INPP5F: variants seen among roughly 807,000 people sequenced by gnomAD.
INPP5F encodes inositol polyphosphate-5-phosphatase F.
A neutral mutation model predicts 137.2 loss-of-function variants in INPP5F; 97 were observed. That is an observed-to-expected ratio of 0.71 (90% CI 0.60 to 0.84). The LOEUF is 0.84. Among genes scored for constraint, INPP5F ranks in the 40% least tolerant of loss-of-function variants. The probability of loss-of-function intolerance (pLI) is 0.00; values close to 1 mark genes in which losing one functional copy is unlikely to be tolerated. For synonymous variants in INPP5F, 504 were observed against 476.9 expected (o/e 1.06, Z -0.74); for missense variants, 1,271 against 1,371.9 (o/e 0.93, Z 1.16).
chr10:119,785,494 C>T (rs1369407286), intron 3 of INPP5F, among the ~76,000 whole-genome samples: 1 of 142,942 alleles, frequency 7.0e-6, no homozygotes, highest in African/African-American at 2.6e-5. Flanking sequence ...ACTGTGTTAG[C>T]CTGGTTAGAT....
In INPP5F at chr10:119,796,856, G is replaced by T. The variant is rs748475671; in HGVS notation, c.811G>T (p.Asp271Tyr). 8.1e-6 allele frequency: 13 copies of T among 1,613,676 alleles called. No individual in the cohort carries two copies. The highest frequency in any genetic ancestry group is 1.1e-5 in the South Asian group (1 of 91,046). The change falls in exon 7 of 20, where the codon GAT (aspartate) becomes TAT (tyrosine). Residue 271 changes from aspartate (D) to tyrosine (Y), a missense_variant. This residue lies in a region of INPP5F where 593 missense variants were observed against 712.4 expected (regional missense o/e 0.83). Transcript: ENST00000650623. The part of the protein sequence containing the change: ...TPPQESTCVD[D>Y]IHPRFLVALI... ...CCCTCAGGAGTCCACCTGTGTAGAT[G>T]ATATTCACCCACGATTTCTAGTGGC...
chr10:119,811,052 G>GA (rs1851009519), intron 14 of INPP5F, among the ~76,000 whole-genome samples: 1 of 152,006 alleles, frequency 6.6e-6, no homozygotes, highest in African/African-American at 2.4e-5. Context: ...GATATTCAAG[G>GA]AAAAAAGAAG....
rs1474318476 is a variant in INPP5F at position 119,807,760 on chromosome 10, T to A, written c.1441-172T>A. Among the ~76,000 whole-genome samples, 3 of 152,242 alleles carry A rather than the reference T, an allele frequency of 2.0e-5. No homozygotes were observed. The East Asian group carries it at 5.8e-4, about 29-fold the overall frequency. On this transcript the variant is annotated intron_variant, in intron 12 of 19. Coordinates refer to ENST00000650623, the MANE Select transcript of INPP5F (RefSeq NM_014937.4). ...TATATTTATTCAACTTGTAGCAATT[T>A]ATAAAGCCATCTTTCAAGCACTACT...
intron 1 of INPP5F, among the ~76,000 whole-genome samples, chr10:119,738,177 A>G (rs1331898927): frequency 6.6e-6 from 1 of 152,248 alleles, no homozygotes; most frequent in Non-Finnish European, 1.5e-5. Flanking sequence ...TATTGCAAAT[A>G]CTTATGACTT....
chr10:119,726,989 C>T (rs61867872), intron 1 of INPP5F, among the ~76,000 whole-genome samples: 6,320 of 152,298 alleles, frequency 0.041, 229 homozygotes, highest in South Asian at 0.21. Context: ...TGTTGTGCGA[C>T]ACAAAATGTA....
intron 2 of INPP5F, among the ~76,000 whole-genome samples, chr10:119,768,757 C>T (rs1046292799): frequency 6.6e-6 from 1 of 152,182 alleles, no homozygotes; most frequent in Admixed American, 6.5e-5. Flanking sequence ...AGGAAGTAAA[C>T]ACCTGAGACT....
chr10:119,778,831 A>G (rs1849608820), intron 2 of INPP5F, among the ~76,000 whole-genome samples: 1 of 152,022 alleles, frequency 6.6e-6, no homozygotes, highest in South Asian at 2.1e-4. Context: ...TTAATTTTTA[A>G]TAGAGTTGGA....
intron 2 of INPP5F, among the ~76,000 whole-genome samples, chr10:119,760,513 T>C (rs552625179): frequency 1.2e-4 from 19 of 152,238 alleles, no homozygotes; most frequent in Non-Finnish European, 2.1e-4. Context: ...GGGCCACCTA[T>C]ACAGGTGCTT....
chr10:119,825,234 T>C (rs1851712560), intron 19 of INPP5F, among the ~76,000 whole-genome samples: 1 of 152,232 alleles, frequency 6.6e-6, no homozygotes, highest in South Asian at 2.1e-4. Flanking sequence ...TTTTCATGTT[T>C]AGGATGATTT....
In INPP5F at chr10:119,726,132, C is replaced by T. The variant is rs1056342073; in HGVS notation, c.-131C>T. 3.2e-5 allele frequency: 15 copies of T among 468,868 alleles called. No homozygotes were observed. The Admixed American group carries it at 3.3e-4, about 10-fold the overall frequency. 29.0% of individuals were successfully genotyped at this position (468,868 alleles called of 1,614,324 possible). On this transcript the variant is annotated 5_prime_UTR_variant, in exon 1 of 20. Transcript: ENST00000650623. Reference sequence around the variant, plus strand: ...CCGGTCGGGTGCCCCGGGGCGTTCCCTCTGCCGCTGCTTCTCGGCGCGGTT... The same window carrying T: ...CCGGTCGGGTGCCCCGGGGCGTTCCTTCTGCCGCTGCTTCTCGGCGCGGTT...
At chr10:119,749,440 TGAA>T (rs1848631024) in intron 1 of INPP5F, among the ~76,000 whole-genome samples, 1 of 152,264 alleles carries the variant, frequency 6.6e-6, no homozygotes, top group African/African-American at 2.4e-5. Context: ...GAAATGTAGC[TGAA>T]GAAGTTGTCT....
At position 119,764,331 on chromosome 10, in the gene INPP5F, A is replaced by G. The variant is rs946836551; in HGVS notation, c.178+13175A>G. Among the ~76,000 whole-genome samples, 4 of 151,684 alleles carry G rather than the reference A, an allele frequency of 2.6e-5. No homozygotes were observed. The East Asian group carries it at 7.7e-4, about 29-fold the overall frequency. Reference sequence around the variant, plus strand: ...TGTATACGCGCGCATGTGCTTGCATACACAGGCGTGTGCACACACACACAC... The same window carrying G: ...TGTATACGCGCGCATGTGCTTGCATGCACAGGCGTGTGCACACACACACAC... On this transcript the variant is annotated intron_variant, in intron 2 of 19. Coordinates refer to ENST00000650623, the MANE Select transcript of INPP5F (RefSeq NM_014937.4).
chr10:119,781,837 G>A, intron 3 of INPP5F, 66 bp downstream of exon 3: 2 of 1,305,786 alleles, frequency 1.5e-6, no homozygotes, highest in Non-Finnish European at 2.1e-6. Context: ...ATGAGGATTT[G>A]GTTCAGTAGA....
intron 4 of INPP5F, 88 bp downstream of exon 4, chr10:119,791,733 A>C (rs1850153307): frequency 7.9e-6 from 11 of 1,397,298 alleles, no homozygotes; most frequent in Non-Finnish European, 1.1e-5. Context: ...ATTTATTTTT[A>C]AACCATTTGT....
At chr10:119,814,219 G>A (rs369274778) in intron 15 of INPP5F, among the ~76,000 whole-genome samples, 2 of 151,858 alleles carry the variant, frequency 1.3e-5, no homozygotes, top group Non-Finnish European at 2.9e-5. Context: ...GAGAAACCTC[G>A]TCTCTACTAA....
At chr10:119,757,155 A>G (rs1040313085) in intron 2 of INPP5F, among the ~76,000 whole-genome samples, 45 of 152,088 alleles carry the variant, frequency 3.0e-4, no homozygotes, top group Middle Eastern at 6.8e-3. Flanking sequence ...GCTTACTGCA[A>G]CCTCAGCCTC....
At chr10:119,743,479 G>A (rs757938078) in intron 1 of INPP5F, among the ~76,000 whole-genome samples, 1 of 152,134 alleles carries the variant, frequency 6.6e-6, no homozygotes, top group Non-Finnish European at 1.5e-5. Flanking sequence ...GGATCCACAC[G>A]AGAGAGTCTG....
chr10:119,761,492 T>C (rs2134142100), intron 2 of INPP5F, among the ~76,000 whole-genome samples: 1 of 152,336 alleles, frequency 6.6e-6, no homozygotes, highest in African/African-American at 2.4e-5. Context: ...TTTTTCCATT[T>C]ACTTGATGTG....
At chr10:119,726,742 G>A (rs1050312025) in intron 1 of INPP5F, among the ~76,000 whole-genome samples, 1 of 152,244 alleles carries the variant, frequency 6.6e-6, no homozygotes, top group Non-Finnish European at 1.5e-5. Context: ...GCCTTCGCCA[G>A]AAGTTCTGGG....
Sources: allele counts gnomAD v4.1 joint callset (sites outside exome capture counted in the v4.1 genomes callset), GRCh38; gene constraint gnomAD v4.1.1; regional missense constraint gnomAD v4.1.1; transcripts MANE v1.5; gene names NCBI Gene and HGNC (gene_info 2026-07-23, HGNC 2026-07-21).